HECW1: variants seen among roughly 807,000 people sequenced by gnomAD.
HECW1 encodes E3 ubiquitin-protein ligase HECW1.
In HECW1, 61 loss-of-function variants were observed where a neutral mutation model predicts 182.3. That is an observed-to-expected ratio of 0.33 (90% confidence interval 0.27 to 0.41). The LOEUF (loss-of-function observed/expected upper bound fraction) is 0.41, where lower values mean the gene tolerates loss of function less well. Among genes scored for constraint, HECW1 ranks in the 10% least tolerant of loss-of-function variants. The probability of loss-of-function intolerance (pLI) is 1.00; values close to 1 mark genes in which losing one functional copy is unlikely to be tolerated. For missense variants in HECW1, 1,739 were observed against 2,108.9 expected, an observed-to-expected ratio of 0.82 and a Z score of 3.44; for synonymous variants, 859 against 832.6, an observed-to-expected ratio of 1.03 and a Z score of -0.55.
intron 3 of HECW1, among the ~76,000 whole-genome samples, chr7:43,279,417 G>T (rs1803597222): frequency 6.6e-6 from 1 of 151,842 alleles, no homozygotes; most frequent in Non-Finnish European, 1.5e-5. Context: ...CCTCTAAAGT[G>T]TCCCATGGCA....
intron 2 of HECW1, among the ~76,000 whole-genome samples, chr7:43,182,488 TGTCTATTTTGTTCCATTG>T (rs1429183812): frequency 6.6e-6 from 1 of 152,232 alleles, no homozygotes; most frequent in Non-Finnish European, 1.5e-5. Context: ...ATTTCTGGGC[TGTCTATTTTGTTCCATTG>T]GTCTACATGT....
chr7:43,488,486 A>AAGAAAGAAAGAAAGAG (rs1563046780), intron 17 of HECW1, among the ~76,000 whole-genome samples: 6 of 120,444 alleles, frequency 5.0e-5, no homozygotes, highest in South Asian at 2.5e-4. Context: ...GAAAGAAAGA[A>AAGAAAGAAAGAAAGAG]AGAGAAAGAA....
intron 2 of HECW1, among the ~76,000 whole-genome samples, chr7:43,207,005 T>G (rs1165624178): frequency 6.6e-6 from 1 of 152,232 alleles, no homozygotes; most frequent in Non-Finnish European, 1.5e-5. Flanking sequence ...TTTGCTGCTT[T>G]GTAAGAAGGT....
intron 2 of HECW1, among the ~76,000 whole-genome samples, chr7:43,142,836 G>A (rs1788308893): frequency 6.6e-6 from 1 of 152,082 alleles, no homozygotes; most frequent in African/African-American, 2.4e-5. Context: ...CTATCTGTGG[G>A]ATGGAGCACA....
intron 8 of HECW1, among the ~76,000 whole-genome samples, chr7:43,423,851 A>G (rs1301813755): frequency 6.6e-6 from 1 of 152,216 alleles, no homozygotes; most frequent in Non-Finnish European, 1.5e-5. Context: ...GACTAACACT[A>G]AAAGTGACAT....
intron 5 of HECW1, among the ~76,000 whole-genome samples, chr7:43,355,137 C>G (rs1200366173): frequency 6.6e-6 from 1 of 151,744 alleles, no homozygotes; most frequent in African/African-American, 2.4e-5. Flanking sequence ...TAAAAGAATT[C>G]ACTACCACCA....
chr7:43,216,289 G>T lies in HECW1; in HGVS notation c.-31-27586G>T, dbSNP rs533587809. Among the ~76,000 whole-genome samples the T allele has an allele frequency of 6.6e-5, 10 of 151,986 alleles. No homozygotes were observed. The South Asian group carries it at 2.1e-3, about 32-fold the overall frequency. The stretch of plus-strand genomic sequence containing the variant: ...GCCTCCTGAGTAGCTGGGACTACAG[G>T]TGTGCACCACCATGCCCAGCTAAGT... On this transcript the variant is annotated intron_variant, in intron 2 of 29. Transcript: ENST00000395891.
At chr7:43,120,092 C>T (rs988430430) in intron 2 of HECW1, among the ~76,000 whole-genome samples, 6 of 152,206 alleles carry the variant, frequency 3.9e-5, no homozygotes, top group Non-Finnish European at 8.8e-5. Context: ...TCCTTGTCCT[C>T]CTGGAGTGGA....
At chr7:43,219,621 A>G (rs1332234509) in intron 2 of HECW1, among the ~76,000 whole-genome samples, 2 of 152,040 alleles carry the variant, frequency 1.3e-5, no homozygotes, top group African/African-American at 4.8e-5. Context: ...TGGGGGCTGC[A>G]TGCACCAATA....
At chr7:43,327,365 C>T (rs1250249395) in intron 5 of HECW1, among the ~76,000 whole-genome samples, 4 of 152,212 alleles carry the variant, frequency 2.6e-5, no homozygotes, top group Non-Finnish European at 5.9e-5. Flanking sequence ...TGCCCACCCA[C>T]TTTAGCACTA....
rs571248466 is a variant in HECW1 at position 43,284,191 on chromosome 7, CCCAGATCTGAAA to C, written c.28-27571_28-27560del. ...TATAGGAAATGGGAGGACTGTTTTT[CCCAGATCTGAAA>C]TAATTTTCTTTTTTAAACATTTTTT... On this transcript the variant is annotated intron_variant, in intron 3 of 29. Coordinates refer to ENST00000395891, the MANE Select transcript of HECW1 (RefSeq NM_015052.5). Among the ~76,000 whole-genome samples, 1,350 of 152,188 alleles carry C rather than the reference CCCAGATCTGAAA, an allele frequency of 8.9e-3. 13 individuals are homozygous for C. Among genetic ancestry groups the C allele is most frequent in the African/African-American group, 0.031 (1,304 of 41,516 alleles).
intron 3 of HECW1, among the ~76,000 whole-genome samples, chr7:43,293,219 CAAAAAAAAAA>C (rs34748611): frequency 2.7e-4 from 21 of 76,590 alleles, no homozygotes; most frequent in Non-Finnish European, 5.5e-4. Context: ...GACTATGTCT[CAAAAAAAAAA>C]AAAAAAAGAA....
At chr7:43,481,837 T>C (rs2152908945) in intron 17 of HECW1, among the ~76,000 whole-genome samples, 1 of 151,844 alleles carries the variant, frequency 6.6e-6, no homozygotes, top group South Asian at 2.1e-4. Context: ...ATACAAAAAA[T>C]TAGTCAGGCA....
chr7:43,143,253 G>T (rs1384741778), intron 2 of HECW1, among the ~76,000 whole-genome samples: 1 of 152,176 alleles, frequency 6.6e-6, no homozygotes, highest in Admixed American at 6.5e-5. Context: ...TTACAGGGGT[G>T]AGCCACTGTG....
intron 29 of HECW1, among the ~76,000 whole-genome samples, chr7:43,559,012 G>A (rs1459290063): frequency 1.3e-5 from 2 of 152,170 alleles, no homozygotes; most frequent in East Asian, 1.9e-4. Context: ...TTACATAACC[G>A]GCTGAACAAT....
At chr7:43,351,073 T>C (rs1814368299) in intron 5 of HECW1, among the ~76,000 whole-genome samples, 1 of 152,250 alleles carries the variant, frequency 6.6e-6, no homozygotes, top group Non-Finnish European at 1.5e-5. Context: ...CTTGAATTAG[T>C]ACTGTCCCCT....
At chr7:43,237,661 C>T (rs866280262) in intron 2 of HECW1, among the ~76,000 whole-genome samples, 2 of 152,150 alleles carry the variant, frequency 1.3e-5, no homozygotes, top group African/African-American at 4.8e-5. Flanking sequence ...ATCTGCAGCT[C>T]CCAAAACAAT....
intron 3 of HECW1, chr7:43,274,201 T>C: frequency 3.8e-6 from 2 of 525,224 alleles, no homozygotes; most frequent in Non-Finnish European, 3.3e-6. Flanking sequence ...GGTGGTGGTC[T>C]CTCTTTGCCC....
At chr7:43,288,214 G>A (rs1467481879) in intron 3 of HECW1, among the ~76,000 whole-genome samples, 2 of 152,164 alleles carry the variant, frequency 1.3e-5, no homozygotes, top group Admixed American at 1.3e-4. Context: ...GAGAAGAGGA[G>A]GGGAATTAGC....
Sources: gnomAD v4.1 joint callset for allele counts (sites outside exome capture counted in the v4.1 genomes callset) on GRCh38, gnomAD v4.1.1 for gene constraint, MANE v1.5 for transcripts, NCBI Gene and HGNC (gene_info 2026-07-23, HGNC 2026-07-21) for gene names.